ST8SIA4: variants seen among roughly 807,000 people sequenced by gnomAD.
ST8SIA4 encodes the protein ST8 alpha-N-acetyl-neuraminide alpha-2,8-sialyltransferase 4.
ST8SIA4 carries 15 observed loss-of-function variants against 33.9 expected under a neutral mutation model. That is an observed-to-expected ratio of 0.44 (90% CI 0.30 to 0.68). The LOEUF (loss-of-function observed/expected upper bound fraction) is 0.68. ST8SIA4 is among the 30% of genes least tolerant of loss of function. The probability of loss-of-function intolerance (pLI) is 0.10; values close to 1 mark genes in which losing one functional copy is unlikely to be tolerated. For synonymous variants in ST8SIA4, 171 were observed against 151.2 expected (o/e 1.13, Z -0.96); for missense variants, 321 against 428.0 (o/e 0.75, Z 2.21).
chr5:100,893,579 G>A (rs1752718237), intron 2 of ST8SIA4, among the ~76,000 whole-genome samples: 1 of 151,994 alleles, frequency 6.6e-6, no homozygotes, highest in Middle Eastern at 3.2e-3. Flanking sequence ...GTCAAGTTAG[G>A]TTTACTACCC....
intron 4 of ST8SIA4, among the ~76,000 whole-genome samples, chr5:100,845,047 T>C (rs906021575): frequency 2.0e-5 from 3 of 152,078 alleles, no homozygotes; most frequent in African/African-American, 4.8e-5. Context: ...AACTTACTTC[T>C]TGTATGTTGA....
chr5:100,841,066 T>C (rs985390559), intron 4 of ST8SIA4, among the ~76,000 whole-genome samples: 3 of 151,854 alleles, frequency 2.0e-5, no homozygotes, highest in Non-Finnish European at 2.9e-5. Context: ...CTGTACATCA[T>C]GATAAAGAAA....
chr5:100,856,570 G>T (rs1279242146), intron 3 of ST8SIA4, among the ~76,000 whole-genome samples, 174 bp from the exon 4 acceptor site: 1 of 152,128 alleles, frequency 6.6e-6, no homozygotes, highest in Non-Finnish European at 1.5e-5. Flanking sequence ...GCACGTGCAG[G>T]AATACTGCCT....
In ST8SIA4 at chr5:100,872,929, C is replaced by G. The variant is rs572377125; in HGVS notation, c.503+13414G>C. Among the ~76,000 whole-genome samples the G allele has an allele frequency of 1.3e-4, 19 of 149,536 alleles. No individual in the cohort carries two copies. The South Asian group carries it at 3.2e-3, about 25-fold the overall frequency. On this transcript the variant is annotated intron_variant, in intron 3 of 4. Transcript: ENST00000231461. ...AGTGGGAGCTCCAGCGTGCCTAGGG[C>G]ATATTGTCTAGGCCAGCACATCTCA... is the stretch of plus-strand genomic sequence containing the variant.
chr5:100,828,267 T>C (rs1160883947), intron 4 of ST8SIA4, among the ~76,000 whole-genome samples: 1 of 152,136 alleles, frequency 6.6e-6, no homozygotes, highest in African/African-American at 2.4e-5. Flanking sequence ...GAGTAATAAA[T>C]TGATACGTGC....
In ST8SIA4 at chr5:100,816,143, A is replaced by G. The variant is rs1474886267; in HGVS notation, c.798-4014T>C. Among the ~76,000 whole-genome samples, 5 of 152,146 alleles carry G rather than the reference A, an allele frequency of 3.3e-5. No individual in the cohort carries two copies. In the East Asian group the frequency reaches 9.6e-4, roughly 29 times the overall value. On this transcript the variant is annotated intron_variant, in intron 4 of 4. Coordinates refer to ENST00000231461, the MANE Select transcript of ST8SIA4 (RefSeq NM_005668.6). ...GTTTCAAATCTTCTCTCTCCGTGAA[A>G]TTGTGTGAAACACTCTTATTCCTTG...
intron 4 of ST8SIA4, among the ~76,000 whole-genome samples, chr5:100,831,379 A>G (rs1257980712): frequency 6.6e-6 from 1 of 152,190 alleles, no homozygotes; most frequent in African/African-American, 2.4e-5. Flanking sequence ...CATCAAGACA[A>G]TCTCCAAAAT....
chr5:100,895,833 G>T (rs1263570881), intron 1 of ST8SIA4, 48 bp from the exon 2 acceptor site: 4 of 1,602,890 alleles, frequency 2.5e-6, no homozygotes, highest in South Asian at 1.1e-5. Context: ...GAAACATTTT[G>T]TGTATACAGC....
At chr5:100,836,807 C>G (rs1751371988) in intron 4 of ST8SIA4, among the ~76,000 whole-genome samples, 1 of 151,900 alleles carries the variant, frequency 6.6e-6, no homozygotes, top group Non-Finnish European at 1.5e-5. Flanking sequence ...AAAACACTGA[C>G]TGAAACTTGG....
intron 3 of ST8SIA4, among the ~76,000 whole-genome samples, chr5:100,862,058 G>A (rs906349837): frequency 6.6e-6 from 1 of 152,186 alleles, no homozygotes; most frequent in Non-Finnish European, 1.5e-5. Flanking sequence ...GAGCAACAGC[G>A]TAAGGAAGCC....
rs577925289 is a variant in ST8SIA4, at chr5:100,810,739, T to C, written c.*1108A>G. 2.0e-5 allele frequency: 3 copies of C among 152,680 alleles called. No homozygotes were observed. The highest frequency in any genetic ancestry group is 4.8e-5 in the African/African-American group (2 of 41,550). 9.5% of individuals were successfully genotyped at this position (152,680 alleles called of 1,614,324 possible). Reference sequence around the variant, plus strand: ...ATCTTTGGTACCAAAGATTTTTTTTTCCCGGCCTATTTTACCATCTCTGAT... The same window carrying C: ...ATCTTTGGTACCAAAGATTTTTTTTCCCCGGCCTATTTTACCATCTCTGAT... On this transcript the variant is annotated 3_prime_UTR_variant, in exon 5 of 5. Coordinates refer to ENST00000231461, the MANE Select transcript of ST8SIA4 (RefSeq NM_005668.6).
intron 2 of ST8SIA4, among the ~76,000 whole-genome samples, chr5:100,892,371 A>T (rs1231432539): frequency 6.6e-6 from 1 of 152,146 alleles, no homozygotes; most frequent in Non-Finnish European, 1.5e-5. Context: ...AACTAAGATA[A>T]TTATTTTGAG....
chr5:100,816,588 A>G, intron 4 of ST8SIA4: 1 of 502,776 alleles, frequency 2.0e-6, no homozygotes, highest in Non-Finnish European at 4.0e-6. Flanking sequence ...TTCTCTTAAA[A>G]TGTTATTCTT....
Position 100,852,311 on chromosome 5 carries a change from G to A in ST8SIA4, c.797+3792C>T, listed in dbSNP as rs578035080. Among the ~76,000 whole-genome samples, 20 of 151,294 alleles carry A rather than the reference G, an allele frequency of 1.3e-4. No individual in the cohort carries two copies. In the East Asian group the frequency reaches 1.9e-3, roughly 15 times the overall value. The stretch of plus-strand genomic sequence containing the variant: ...TCTTTTTCGTATTTTTAGTAGAGGC[G>A]GGGTTTCGCCATGTTGGCCAGGCTC... On this transcript the variant is annotated intron_variant, in intron 4 of 4. Coordinates refer to ENST00000231461, the MANE Select transcript of ST8SIA4 (RefSeq NM_005668.6).
In ST8SIA4 at chr5:100,812,057, T is replaced by C. The variant is rs759666666; in HGVS notation, c.870A>G (p.Arg290=). ...TGLLMYTLAT[R]FCDEIHLYGF... ...CATACAGGTGAATTTCATCACAGAA[T>C]CTTGTGGCAAGTGTATACATGAGAA... The change falls in exon 5 of 5, where the codon AGA becomes AGG. Residue 290 remains arginine, a synonymous_variant. Transcript: ENST00000231461. 4.4e-5 allele frequency: 71 copies of C among 1,613,992 alleles called. No homozygotes were observed. The highest frequency in any genetic ancestry group is 5.9e-5 in the Non-Finnish European group (70 of 1,180,010).
rs140757037 is a variant in ST8SIA4 at position 100,880,740 on chromosome 5, C to A, written c.503+5603G>T. Among the ~76,000 whole-genome samples the A allele has an allele frequency of 5.0e-3, 764 of 152,144 alleles. 2 individuals are homozygous for A. Among genetic ancestry groups the A allele is most frequent in the African/African-American group, 0.015 (616 of 41,478 alleles). ...GGATGTCATGAGAAATCATTTGACT[C>A]CTGATATTTTTTGAAGGTAATATCT... On this transcript the variant is annotated intron_variant, in intron 3 of 4. Coordinates refer to ENST00000231461, the MANE Select transcript of ST8SIA4 (RefSeq NM_005668.6).
chr5:100,869,849 T>C (rs189170547), intron 3 of ST8SIA4, among the ~76,000 whole-genome samples: 2 of 152,322 alleles, frequency 1.3e-5, no homozygotes, highest in Admixed American at 1.3e-4. Flanking sequence ...CTGTCTTATC[T>C]TTTTTGTTAT....
chr5:100,864,385 T>C (rs1431681103), intron 3 of ST8SIA4, among the ~76,000 whole-genome samples: 1 of 151,506 alleles, frequency 6.6e-6, no homozygotes, highest in Non-Finnish European at 1.5e-5. Context: ...CTATCCTGGC[T>C]AACATGGTGA....
At position 100,834,231 on chromosome 5, in the gene ST8SIA4, C is replaced by T. The variant is rs1005575292; in HGVS notation, c.797+21872G>A. ...AATAAAAGAATAATAAAACATAGAA[C>T]GCTCTAGTGACAAAAGGAGCAATTG... On this transcript the variant is annotated intron_variant, in intron 4 of 4. Coordinates refer to ENST00000231461, the MANE Select transcript of ST8SIA4 (RefSeq NM_005668.6). 1.2e-4 allele frequency among the ~76,000 whole-genome samples: 18 copies of T among 152,070 alleles called. No individual in the cohort carries two copies. In the South Asian group the frequency reaches 1.7e-3, roughly 14 times the overall value.
Sources: gnomAD v4.1 joint callset for allele counts (sites outside exome capture counted in the v4.1 genomes callset) on GRCh38, gnomAD v4.1.1 for gene constraint, MANE v1.5 for transcripts, NCBI Gene and HGNC (gene_info 2026-07-23, HGNC 2026-07-21) for gene names.